Variants in TMEFF2 observed in about 807,000 individuals in gnomAD.
TMEFF2 encodes the protein tomoregulin-2.
In TMEFF2, 28 loss-of-function variants were observed where a neutral mutation model predicts 53.8. The observed-to-expected ratio is 0.52, with a 90% CI of 0.39 to 0.71. TMEFF2 has a LOEUF of 0.71. TMEFF2 is among the 30% of genes least tolerant of loss of function. TMEFF2 has a pLI of 0.00. For missense variants in TMEFF2, 353 were observed against 455.2 expected (o/e 0.78, Z 2.04); for synonymous variants, 162 against 166.3 (o/e 0.97, Z 0.20).
At chr2:192,032,340 G>C (rs1687159939) in intron 5 of TMEFF2, 1 of 152,040 alleles carries the variant, frequency 6.6e-6, no homozygotes, top group Non-Finnish European at 1.5e-5. Context: ...TGAAGATAAG[G>C]ACCCTTTTGG....
chr2:192,075,359 A>C (rs1688409972), intron 4 of TMEFF2, among the ~76,000 whole-genome samples: 1 of 140,294 alleles, frequency 7.1e-6, no homozygotes, highest in Non-Finnish European at 1.5e-5. Context: ...TATCCTTGCA[A>C]AAGTGCTTTC....
chr2:192,014,944 T>C (rs1231667099), intron 5 of TMEFF2, among the ~76,000 whole-genome samples: 3 of 152,232 alleles, frequency 2.0e-5, no homozygotes, highest in Non-Finnish European at 4.4e-5. Flanking sequence ...GCAATGTTTT[T>C]ATTTTGACTA....
chr2:192,008,766 A>G lies in TMEFF2; in HGVS notation c.537-9558T>C, dbSNP rs140588202. On this transcript the variant is annotated intron_variant, in intron 5 of 9. Coordinates refer to ENST00000272771, the MANE Select transcript of TMEFF2 (RefSeq NM_016192.4). Reference sequence around the variant, plus strand: ...ATTATCATATTGAACGTTTAAGCACATTCCCAAGCGCCAGGATTCCCACAC... The same window carrying G: ...ATTATCATATTGAACGTTTAAGCACGTTCCCAAGCGCCAGGATTCCCACAC... Among the ~76,000 whole-genome samples the G allele has an allele frequency of 4.4e-3, 672 of 152,326 alleles. 3 individuals are homozygous for G. Among genetic ancestry groups the G allele is most frequent in the African/African-American group, 0.015 (641 of 41,566 alleles).
At chr2:191,951,094 GAATATATAAA>G (rs1244266329) in intron 9 of TMEFF2, among the ~76,000 whole-genome samples, 1 of 151,928 alleles carries the variant, frequency 6.6e-6, no homozygotes, top group East Asian at 1.9e-4. Flanking sequence ...TGAAGTATCA[GAATATATAAA>G]AATATATGAA....
At chr2:191,964,493 C>T (rs1692415490) in intron 7 of TMEFF2, among the ~76,000 whole-genome samples, 1 of 150,572 alleles carries the variant, frequency 6.6e-6, no homozygotes, top group Admixed American at 6.7e-5. Context: ...CTCAACCCCT[C>T]CATCATCCTC....
chr2:191,954,432 T>A (rs1386305981), intron 8 of TMEFF2, among the ~76,000 whole-genome samples: 1 of 152,036 alleles, frequency 6.6e-6, no homozygotes, highest in Admixed American at 6.5e-5. Context: ...AGATAATACA[T>A]GTCCAGGAAT....
intron 4 of TMEFF2, among the ~76,000 whole-genome samples, chr2:192,141,791 G>A (rs932199341): frequency 6.6e-5 from 10 of 152,132 alleles, no homozygotes; most frequent in Non-Finnish European, 1.3e-4. Context: ...GACAAAACAG[G>A]TGTATTAGAA....
chr2:192,143,534 T>TC (rs1690184853), intron 4 of TMEFF2, among the ~76,000 whole-genome samples: 1 of 152,170 alleles, frequency 6.6e-6, no homozygotes, highest in South Asian at 2.1e-4. Context: ...GTTGTGAACT[T>TC]CCATGACAAA....
In TMEFF2 at chr2:191,999,178, G is replaced by C. The variant is rs768142041; in HGVS notation, c.567C>G (p.Thr189=). ...WCVCNIDCSQ[T]NFNPLCASDG... The stretch of plus-strand genomic sequence containing the variant: ...CAGAAGCGCAGAGGGGATTGAAGTT[G>C]GTTTGAGAACAGTCAATATTACACA... The change falls in exon 6 of 10, where the codon ACC becomes ACG. Residue 189 remains threonine (T), a synonymous_variant. Transcript: ENST00000272771. The C allele has an allele frequency of 1.9e-6, 3 of 1,609,422 alleles. No homozygotes were observed. The highest frequency in any genetic ancestry group is 3.3e-5 in the Admixed American group (2 of 59,864).
chr2:192,016,557 T>G (rs747028383), intron 5 of TMEFF2, among the ~76,000 whole-genome samples: 3 of 152,208 alleles, frequency 2.0e-5, no homozygotes. Flanking sequence ...AAGGATCCTG[T>G]GAGTCCATCT....
At chr2:192,193,758 AG>A (rs1222436006) in intron 1 of TMEFF2, among the ~76,000 whole-genome samples, 2 of 9,776 alleles carry the variant, frequency 2.0e-4, no homozygotes, top group African/African-American at 5.6e-4. Context: ...AGAGATAGAT[AG>A]ATAGAGAGAG....
intron 4 of TMEFF2, among the ~76,000 whole-genome samples, chr2:192,138,351 T>C (rs1690060267): frequency 6.6e-6 from 1 of 152,206 alleles, no homozygotes; most frequent in Admixed American, 6.5e-5. Flanking sequence ...GGATAATACA[T>C]TGCATTGCTT....
chr2:192,175,531 T>C (rs1229527599), intron 4 of TMEFF2, among the ~76,000 whole-genome samples: 1 of 151,532 alleles, frequency 6.6e-6, no homozygotes, highest in Non-Finnish European at 1.5e-5. Flanking sequence ...AAAATAAGGC[T>C]TTTTTATACA....
At chr2:192,088,973 C>A (rs1165956745) in intron 4 of TMEFF2, among the ~76,000 whole-genome samples, 1 of 152,200 alleles carries the variant, frequency 6.6e-6, no homozygotes, top group Middle Eastern at 3.4e-3. Flanking sequence ...TATCAATAAA[C>A]TCTTTGAGGA....
chr2:192,132,684 C>T (rs895054254), intron 4 of TMEFF2, among the ~76,000 whole-genome samples: 1 of 152,194 alleles, frequency 6.6e-6, no homozygotes, highest in Admixed American at 6.5e-5. Flanking sequence ...GCCCGCTTCC[C>T]CCAGGAGCTT....
intron 2 of TMEFF2, among the ~76,000 whole-genome samples, chr2:192,189,033 A>T (rs1335112260): frequency 7.9e-5 from 12 of 152,126 alleles, no homozygotes; most frequent in Admixed American, 7.9e-4. Context: ...ATAAAAGTTT[A>T]AAAAAGGGGG....
intron 4 of TMEFF2, among the ~76,000 whole-genome samples, chr2:192,123,977 C>G (rs1689619336): frequency 6.6e-6 from 1 of 152,210 alleles, no homozygotes; most frequent in African/African-American, 2.4e-5. Context: ...TTCATTCCAT[C>G]ATCTCCATTA....
chr2:192,139,944 A>AGC (rs1690097600), intron 4 of TMEFF2, among the ~76,000 whole-genome samples: 2 of 152,118 alleles, frequency 1.3e-5, no homozygotes, highest in Non-Finnish European at 2.9e-5. Flanking sequence ...ATTCAGTTCA[A>AGC]CACTTTTTTT....
chr2:191,964,372 C>CTCTT (rs1167247867), intron 7 of TMEFF2, among the ~76,000 whole-genome samples: 5 of 77,606 alleles, frequency 6.4e-5, no homozygotes, highest in African/African-American at 2.7e-4. Context: ...TTCTTTCTTT[C>CTCTT]TCTTTCTTTC....
Sources: allele counts gnomAD v4.1 joint callset (sites outside exome capture counted in the v4.1 genomes callset), GRCh38; gene constraint gnomAD v4.1.1; transcripts MANE v1.5; gene names NCBI Gene and HGNC (gene_info 2026-07-23, HGNC 2026-07-21).